MFSD6: variants seen among roughly 807,000 people sequenced by gnomAD.
MFSD6 encodes the protein major facilitator superfamily domain containing 6, also known as major facilitator superfamily domain-containing protein 6.
A neutral mutation model predicts 56.3 loss-of-function variants in MFSD6; 26 were observed. The observed-to-expected ratio is 0.46, with a 90% confidence interval of 0.34 to 0.64. The LOEUF (loss-of-function observed/expected upper bound fraction) is 0.64, where lower values mean the gene tolerates loss of function less well. Ranked by LOEUF, MFSD6 falls within the 30% of genes least tolerant of loss-of-function variation. The probability of loss-of-function intolerance (pLI) is 0.01; values close to 1 mark genes in which losing one functional copy is unlikely to be tolerated. For missense variants in MFSD6, 750 were observed against 986.2 expected (o/e 0.76, Z 3.21); for synonymous variants, 331 against 366.9 (o/e 0.90, Z 1.12).
chr2:190,420,044 A>T (rs1685551082), intron 2 of MFSD6, among the ~76,000 whole-genome samples: 1 of 126,828 alleles, frequency 7.9e-6, no homozygotes, highest in Non-Finnish European at 1.7e-5. Context: ...ATGTCTTCTT[A>T]ACTCTATATT....
At chr2:190,477,262 G>T in intron 4 of MFSD6, 1 of 983,794 alleles carries the variant, frequency 1.0e-6, no homozygotes, top group Non-Finnish European at 1.2e-6. Context: ...CAATAACAAG[G>T]TAATATGCAA....
At chr2:190,484,911 C>A (rs551094018) in intron 4 of MFSD6, among the ~76,000 whole-genome samples, 2 of 151,986 alleles carry the variant, frequency 1.3e-5, no homozygotes, top group Non-Finnish European at 2.9e-5. Flanking sequence ...CTTTTAGTAT[C>A]AGAAATTTTG....
In MFSD6 at chr2:190,459,047, C is replaced by A. The variant is rs896007221; in HGVS notation, c.1533-10711C>A. On this transcript the variant is annotated intron_variant, in intron 3 of 7. Coordinates refer to ENST00000392328, the MANE Select transcript of MFSD6 (RefSeq NM_017694.4). This position sits in a 1 kb window ranked among gnomAD's most constrained non-coding sequence, Gnocchi z 5.3. ...GTCCATCCCCTCTTCAGTAGAAAAG[C>A]CCTTCCCATCCTTGAGTCTCACCTG... Among the ~76,000 whole-genome samples, 1 of 152,208 alleles carries A rather than the reference C, an allele frequency of 6.6e-6. No homozygotes were observed. The highest frequency in any genetic ancestry group is 2.4e-5 in the African/African-American group (1 of 41,464).
rs1322385416 is a variant in MFSD6 at position 190,496,646 on chromosome 2, G to C, written c.1892-793G>C. Among the ~76,000 whole-genome samples the C allele has an allele frequency of 6.6e-6, 1 of 151,286 alleles. No individual in the cohort carries two copies. The highest frequency in any genetic ancestry group is 2.5e-5 in the African/African-American group (1 of 40,778). On this transcript the variant is annotated intron_variant, in intron 6 of 7. Coordinates refer to ENST00000392328, the MANE Select transcript of MFSD6 (RefSeq NM_017694.4). This position sits in a 1 kb window ranked among gnomAD's most constrained non-coding sequence, Gnocchi z 4.7. ...TGTATGTATATGTGTGTATATATATGTATATGTGTATATGTGTGTGTATGT... is the reference window on the plus strand; with the variant it reads ...TGTATGTATATGTGTGTATATATATCTATATGTGTATATGTGTGTGTATGT...
chr2:190,497,604 C>T lies in MFSD6; in HGVS notation c.2057C>T (p.Pro686Leu), dbSNP rs777375789. 12 of 1,614,146 alleles carry T rather than the reference C, an allele frequency of 7.4e-6. No individual in the cohort carries two copies. In the East Asian group the frequency reaches 2.0e-4, roughly 27 times the overall value. Residue 686 changes from proline (P) to leucine (L), a missense_variant, in exon 7 of 8, where the codon CCA becomes CTA. Pro to Leu is a moderately conservative substitution (Grantham distance 98). Around this residue, in one of 5 missense-constraint regions of MFSD6, gnomAD observed 172 missense variants for 203.9 expected, o/e 0.84. Coordinates refer to ENST00000392328, the MANE Select transcript of MFSD6 (RefSeq NM_017694.4). This position sits in a 1 kb window ranked among gnomAD's most constrained non-coding sequence, Gnocchi z 5.2. The stretch of plus-strand genomic sequence containing the variant: ...GAAGAACAGGAAGATGTGAACAAAC[C>T]AGCCTGGGGAGTCAGCTCTTCTCCC... ...HQEEQEDVNK[P>L]AWGVSSSPWV...
chr2:190,500,259 C>T lies in MFSD6; in HGVS notation c.*41C>T, dbSNP rs1314680905. 16 of 1,607,648 alleles carry T rather than the reference C, an allele frequency of 1.0e-5. No individual in the cohort carries two copies. Among genetic ancestry groups the T allele is most frequent in the African/African-American group, 6.7e-5 (5 of 74,764 alleles). The stretch of plus-strand genomic sequence containing the variant: ...CTCACACCCTGCATGGAATCAGGCT[C>T]CTCAGCCAGGACACAGGGTGAGGCC... On this transcript the variant is annotated 3_prime_UTR_variant, in exon 8 of 8. Coordinates refer to ENST00000392328, the MANE Select transcript of MFSD6 (RefSeq NM_017694.4). This position sits in a 1 kb window ranked among gnomAD's most constrained non-coding sequence, Gnocchi z 5.3.
At chr2:190,430,219 T>TA (rs1685922725) in intron 2 of MFSD6, among the ~76,000 whole-genome samples, 1 of 151,486 alleles carries the variant, frequency 6.6e-6, no homozygotes, top group Non-Finnish European at 1.5e-5. Flanking sequence ...TTTTTTTTTT[T>TA]TTTTAATTGA....
chr2:190,489,640 A>C lies in MFSD6; in HGVS notation c.1793-128A>C. 1 of 813,788 alleles carries C rather than the reference A, an allele frequency of 1.2e-6. No individual in the cohort carries two copies. Among genetic ancestry groups the C allele is most frequent in the East Asian group, 2.7e-5 (1 of 37,182 alleles). 50.4% of individuals were successfully genotyped at this position (813,788 alleles called of 1,614,324 possible). On this transcript the variant is annotated intron_variant, in intron 5 of 7. Coordinates refer to ENST00000392328, the MANE Select transcript of MFSD6 (RefSeq NM_017694.4). The surrounding 1 kb of genome is among the most constrained non-coding windows in gnomAD (Gnocchi z 6.6). ...TTTCCATTATGTGGAGCTAATACCC[A>C]ACTACTTTTCTCTGGTTTGTCTCAA...
chr2:190,417,231 G>A lies in MFSD6; in HGVS notation c.-54+1818G>A. Among the ~76,000 whole-genome samples the A allele has an allele frequency of 6.6e-6, 1 of 152,174 alleles. No homozygotes were observed. The highest frequency in any genetic ancestry group is 6.5e-5 in the Admixed American group (1 of 15,282). ...CATAAAGTACTGTTTGTTCTGAAAT[G>A]ATACCATCACAGGACTTCAGTACTG... On this transcript the variant is annotated intron_variant, in intron 2 of 7. Coordinates refer to ENST00000392328, the MANE Select transcript of MFSD6 (RefSeq NM_017694.4). This position sits in a 1 kb window ranked among gnomAD's most constrained non-coding sequence, Gnocchi z 5.7.
intron 1 of MFSD6, among the ~76,000 whole-genome samples, chr2:190,408,892 A>T (rs1690433523): frequency 6.6e-6 from 1 of 152,006 alleles, no homozygotes; most frequent in South Asian, 2.1e-4. Flanking sequence ...GTGGGGACGG[A>T]GGGTGAGCGC....
rs538856206 is a variant in MFSD6 at position 190,495,745 on chromosome 2, G to A, written c.1892-1694G>A. ...GCAAACAGAAACATAAAGGGGGAAA[G>A]GATACTCTATTCAACAAATGGTGCT... On this transcript the variant is annotated intron_variant, in intron 6 of 7. Transcript: ENST00000392328. The surrounding 1 kb of genome is among the most constrained non-coding windows in gnomAD (Gnocchi z 4.7). Among the ~76,000 whole-genome samples the A allele has an allele frequency of 3.3e-4, 50 of 152,192 alleles. 1 individual carries two copies. The East Asian group carries it at 9.5e-3, about 29-fold the overall frequency.
At chr2:190,483,776 G>A (rs1015816355) in intron 4 of MFSD6, among the ~76,000 whole-genome samples, 3 of 149,766 alleles carry the variant, frequency 2.0e-5, no homozygotes, top group Admixed American at 6.7e-5. Flanking sequence ...CAGAGGATGC[G>A]GTGAGCCGAG....
chr2:190,414,688 A>C (rs1690704122), intron 1 of MFSD6, among the ~76,000 whole-genome samples: 1 of 152,210 alleles, frequency 6.6e-6, no homozygotes, highest in Non-Finnish European at 1.5e-5. Flanking sequence ...CCTAATTGTC[A>C]CTCAAATGTT....
rs2125229007 is a variant in MFSD6, at chr2:190,487,091, C to T, written c.1631-1566C>T. ...GGCTGGGTGCAGTGGCTCACTAATC[C>T]CAGCACTTTGAGAGGCTGAGGCAGG... is the stretch of plus-strand genomic sequence containing the variant. On this transcript the variant is annotated intron_variant, in intron 4 of 7. Coordinates refer to ENST00000392328, the MANE Select transcript of MFSD6 (RefSeq NM_017694.4). The surrounding 1 kb of genome is among the most constrained non-coding windows in gnomAD (Gnocchi z 5.5). Among the ~76,000 whole-genome samples, 1 of 152,194 alleles carries T rather than the reference C, an allele frequency of 6.6e-6. No individual in the cohort carries two copies. Among genetic ancestry groups the T allele is most frequent in the East Asian group, 1.9e-4 (1 of 5,184 alleles).
At position 190,487,255 on chromosome 2, in the gene MFSD6, C is replaced by T. The variant is rs917598903; in HGVS notation, c.1631-1402C>T. Reference sequence around the variant, plus strand: ...ACTTGGGAGGCTGAAGCAGGAGGATCGCTTGAACCCAGGAAGCAGAGGTTG... The same window carrying T: ...ACTTGGGAGGCTGAAGCAGGAGGATTGCTTGAACCCAGGAAGCAGAGGTTG... On this transcript the variant is annotated intron_variant, in intron 4 of 7. Coordinates refer to ENST00000392328, the MANE Select transcript of MFSD6 (RefSeq NM_017694.4). This position sits in a 1 kb window ranked among gnomAD's most constrained non-coding sequence, Gnocchi z 5.5. 3.3e-5 allele frequency among the ~76,000 whole-genome samples: 5 copies of T among 152,130 alleles called. No homozygotes were observed. The highest frequency in any genetic ancestry group is 1.9e-4 in the East Asian group (1 of 5,196).
At position 190,457,111 on chromosome 2, in the gene MFSD6, C is replaced by T. The variant is rs1687083273; in HGVS notation, c.1533-12647C>T. Among the ~76,000 whole-genome samples, 1 of 152,198 alleles carries T rather than the reference C, an allele frequency of 6.6e-6. No individual in the cohort carries two copies. Among genetic ancestry groups the T allele is most frequent in the Non-Finnish European group, 1.5e-5 (1 of 68,038 alleles). Reference sequence around the variant, plus strand: ...ATGGTCCAATCCAGAGGTATTTCCTCAAGCCCTTGTCTAGGTTTGATTTCA... The same window carrying T: ...ATGGTCCAATCCAGAGGTATTTCCTTAAGCCCTTGTCTAGGTTTGATTTCA... On this transcript the variant is annotated intron_variant, in intron 3 of 7. Coordinates refer to ENST00000392328, the MANE Select transcript of MFSD6 (RefSeq NM_017694.4). The surrounding 1 kb of genome is among the most constrained non-coding windows in gnomAD (Gnocchi z 5.1).
chr2:190,472,602 T>C (rs1021325667), intron 4 of MFSD6, among the ~76,000 whole-genome samples: 2 of 152,150 alleles, frequency 1.3e-5, no homozygotes, highest in South Asian at 2.1e-4. Flanking sequence ...AGACCAAATC[T>C]ACATCTGATT....
rs749405390 is a variant in MFSD6 at position 190,456,223 on chromosome 2, G to C, written c.1533-13535G>C. ...CCCAAAGTGCTAGGATTACAGGTGT[G>C]AGCCACCATGCCTGGCCTGCTCTAC... On this transcript the variant is annotated intron_variant, in intron 3 of 7. Transcript: ENST00000392328. The surrounding 1 kb of genome is among the most constrained non-coding windows in gnomAD (Gnocchi z 5.4). Among the ~76,000 whole-genome samples the C allele has an allele frequency of 6.6e-6, 1 of 152,096 alleles. No homozygotes were observed. Among genetic ancestry groups the C allele is most frequent in the Non-Finnish European group, 1.5e-5 (1 of 68,004 alleles).
chr2:190,436,567 C>T lies in MFSD6; in HGVS notation c.538C>T (p.Pro180Ser), dbSNP rs114079152. The T allele has an allele frequency of 8.0e-4, 1,293 of 1,614,172 alleles. 7 individuals are homozygous for T. The African/African-American group carries it at 0.016, about 20-fold the overall frequency. Reference protein sequence around the residue: ...TNASHQLTILPTNSSFTSFLT... With the variant: ...TNASHQLTILSTNSSFTSFLT... Reference sequence around the variant, plus strand: ...TGCAAGTCACCAGTTAACTATCCTGCCAACAAATTCTTCCTTTACCTCTTT... The same window carrying T: ...TGCAAGTCACCAGTTAACTATCCTGTCAACAAATTCTTCCTTTACCTCTTT... Residue 180 changes from proline (P) to serine (S), a missense_variant, in exon 3 of 8, where the codon CCA becomes TCA. By Grantham distance (74) the Pro-to-Ser change is moderately conservative (BLOSUM62 -1). Coordinates refer to ENST00000392328, the MANE Select transcript of MFSD6 (RefSeq NM_017694.4). This position sits in a 1 kb window ranked among gnomAD's most constrained non-coding sequence, Gnocchi z 5.3.
Sources: allele counts gnomAD v4.1 joint callset (sites outside exome capture counted in the v4.1 genomes callset), GRCh38; gene constraint gnomAD v4.1.1; regional missense constraint gnomAD v4.1.1; non-coding constraint Gnocchi (gnomAD v3.1); transcripts MANE v1.5; gene names NCBI Gene and HGNC (gene_info 2026-07-23, HGNC 2026-07-21).